Variants in TIA1 observed in about 807,000 individuals in gnomAD.
TIA1 encodes cytotoxic granule associated RNA binding protein TIA1.
A neutral mutation model predicts 65.9 loss-of-function variants in TIA1; 23 were observed. The ratio of observed to expected loss-of-function variants is 0.35; its 90% CI spans 0.25 to 0.49. TIA1 has a LOEUF of 0.49. TIA1 is among the 20% of genes least tolerant of loss of function. The pLI is 0.98. For missense variants in TIA1, 371 were observed against 477.9 expected, an observed-to-expected ratio of 0.78 and a Z score of 2.09; for synonymous variants, 147 against 149.4, an observed-to-expected ratio of 0.98 and a Z score of 0.12.
chr2:70,232,851 C>A (rs1687122223), intron 2 of TIA1, among the ~76,000 whole-genome samples: 1 of 151,242 alleles, frequency 6.6e-6, no homozygotes, highest in South Asian at 2.1e-4. Flanking sequence ...TCTGGGCGCA[C>A]AGCGAGACTC....
chr2:70,241,591 TAAG>T (rs1691756231), intron 1 of TIA1, among the ~76,000 whole-genome samples: 1 of 142,570 alleles, frequency 7.0e-6, no homozygotes, highest in East Asian at 1.9e-4. Flanking sequence ...ACCAACAGAG[TAAG>T]TTAAGAAAAA....
intron 6 of TIA1, chr2:70,225,133 G>A: frequency 9.8e-7 from 1 of 1,018,878 alleles, no homozygotes; most frequent in Non-Finnish European, 1.2e-6. Context: ...CCCCCTTTTT[G>A]TCTAAATTTT....
rs147499471 is a variant in TIA1, at chr2:70,242,310, T to A, written c.26+6095A>T. ...CACTTTGGGAGGCTGAGGTGGGGGA[T>A]CACTTGAGCTCAGGAGTTCGAGATC... On this transcript the variant is annotated intron_variant, in intron 1 of 12. Transcript: ENST00000433529. 9.3e-3 allele frequency among the ~76,000 whole-genome samples: 1,405 copies of A among 151,790 alleles called. 12 individuals are homozygous for A. Among genetic ancestry groups the A allele is most frequent in the Non-Finnish European group, 0.013 (858 of 67,914 alleles).
At chr2:70,244,545 A>G (rs1181454039) in intron 1 of TIA1, among the ~76,000 whole-genome samples, 2 of 152,144 alleles carry the variant, frequency 1.3e-5, no homozygotes, top group African/African-American at 4.8e-5. Context: ...CTTGCCTTCA[A>G]TCTAATCTTT....
chr2:70,223,237 TTATAGAAGGTATTTTTCTACCTTTC>T (rs1682292947), intron 7 of TIA1, among the ~76,000 whole-genome samples: 1 of 152,164 alleles, frequency 6.6e-6, no homozygotes, highest in African/African-American at 2.4e-5. Flanking sequence ...TATCAATCCA[TTATAGAAGGTATTTTTCTACCTTTC>T]TAAAACATTA....
intron 8 of TIA1, 155 bp downstream of exon 8, chr2:70,216,731 T>C: frequency 6.5e-7 from 1 of 1,549,608 alleles, no homozygotes; most frequent in Non-Finnish European, 8.7e-7. Flanking sequence ...TATTTATAAT[T>C]ACAAAAATGA....
upstream of TIA1, chr2:70,248,647 C>T (rs1214947139): frequency 3.1e-6 from 2 of 647,192 alleles, no homozygotes; most frequent in Admixed American, 2.8e-5. Flanking sequence ...AGCCTAGGAG[C>T]AGCCAGCAAA....
chr2:70,230,071 G>T (rs1685504713), intron 3 of TIA1, among the ~76,000 whole-genome samples: 1 of 151,650 alleles, frequency 6.6e-6, no homozygotes, highest in Non-Finnish European at 1.5e-5. Flanking sequence ...GTGAAACCCT[G>T]TTTCTACTAA....
intron 2 of TIA1, among the ~76,000 whole-genome samples, chr2:70,232,208 C>CAAAAAAAAAAAAAAA (rs11427986): frequency 7.8e-5 from 5 of 63,794 alleles, no homozygotes; most frequent in East Asian, 4.1e-4. Flanking sequence ...GACTCTGTCT[C>CAAAAAAAAAAAAAAA]AAAAAAAAAA....
intron 10 of TIA1, chr2:70,215,707 C>G (rs2103915782): frequency 4.2e-6 from 2 of 475,006 alleles, no homozygotes; most frequent in South Asian, 2.8e-5. Flanking sequence ...AGGGAGGGAG[C>G]TATAAAATCA....
chr2:70,230,933 T>A, intron 2 of TIA1, 79 bp from the exon 3 acceptor site: 2 of 1,092,824 alleles, frequency 1.8e-6, no homozygotes, highest in Non-Finnish European at 2.7e-6. Context: ...AAAAAAATCT[T>A]AAACCAAGTT....
chr2:70,236,861 C>T lies in TIA1; in HGVS notation c.27-686G>A, dbSNP rs200888824. On this transcript the variant is annotated intron_variant, in intron 1 of 12. Transcript: ENST00000433529. ...TGAGCTGGTCTCAAACTCCTGGGTT[C>T]AAGCGATCTGCCTGCCTTGGCCTCC... 9.8e-5 allele frequency among the ~76,000 whole-genome samples: 15 copies of T among 152,288 alleles called. No homozygotes were observed. The East Asian group carries it at 2.9e-3, about 29-fold the overall frequency.
intron 2 of TIA1, among the ~76,000 whole-genome samples, chr2:70,231,103 A>G (rs547596932): frequency 1.1e-4 from 16 of 152,112 alleles, no homozygotes; most frequent in Admixed American, 9.2e-4. Flanking sequence ...TTTGAGACCA[A>G]CTTGGCCAAC....
At chr2:70,238,461 C>T (rs1375037448) in intron 1 of TIA1, among the ~76,000 whole-genome samples, 6 of 151,122 alleles carry the variant, frequency 4.0e-5, no homozygotes. Flanking sequence ...TTGGTAGAGA[C>T]GGGGTTTCAC....
chr2:70,242,521 A>AG, intron 1 of TIA1, among the ~76,000 whole-genome samples: 1 of 149,884 alleles, frequency 6.7e-6, no homozygotes, highest in Non-Finnish European at 1.5e-5. Flanking sequence ...AAAAAAAAAA[A>AG]GGCAGAATTT....
rs761764048 is a variant in TIA1, at chr2:70,214,334, A to C, written c.1034+15T>G. On this transcript the variant is annotated intron_variant, in intron 12 of 12. Transcript: ENST00000433529. The stretch of plus-strand genomic sequence containing the variant: ...TTTTCAAAGGTTAGTAAAGGAAGAC[A>C]TAAGATATGCTTACTTAAATCCTTG... The C allele has an allele frequency of 5.6e-6, 9 of 1,601,720 alleles. No individual in the cohort carries two copies. Among genetic ancestry groups the C allele is most frequent in the Non-Finnish European group, 7.7e-6 (9 of 1,176,398 alleles).
intron 12 of TIA1, 145 bp downstream of exon 12, chr2:70,214,202 TAA>T: frequency 3.4e-6 from 3 of 894,484 alleles, no homozygotes; most frequent in East Asian, 5.7e-5. Context: ...ATTTTCTTAC[TAA>T]AAAACAATTT....
chr2:70,245,796 T>G (rs955770567), intron 1 of TIA1, among the ~76,000 whole-genome samples: 2 of 152,112 alleles, frequency 1.3e-5, no homozygotes, highest in Admixed American at 6.6e-5. Context: ...AACACTCAGA[T>G]GTAGCAAATG....
At chr2:70,215,145 A>T (rs918796955) in intron 11 of TIA1, 12 of 522,342 alleles carry the variant, frequency 2.3e-5, no homozygotes, top group Admixed American at 3.7e-5. Flanking sequence ...TTCTCGGAGC[A>T]TTTTAAAATC....
Sources: allele counts gnomAD v4.1 joint callset (sites outside exome capture counted in the v4.1 genomes callset), GRCh38; gene constraint gnomAD v4.1.1; transcripts MANE v1.5; gene names NCBI Gene and HGNC (gene_info 2026-07-23, HGNC 2026-07-21).